Variants in RSBN1L observed in about 807,000 individuals in gnomAD.
RSBN1L encodes the protein round spermatid basic protein 1 like.
Under a neutral mutation model 67.7 loss-of-function variants are expected in RSBN1L, and 30 were observed. That is an observed-to-expected ratio of 0.44 (90% confidence interval 0.33 to 0.60). The LOEUF (loss-of-function observed/expected upper bound fraction) is 0.60, where lower values mean the gene tolerates loss of function less well. Ranked by LOEUF, RSBN1L falls within the 20% of genes least tolerant of loss-of-function variation. RSBN1L has a pLI of 0.02. For synonymous variants in RSBN1L, 433 were observed against 387.0 expected, an observed-to-expected ratio of 1.12 and a Z score of -1.39; for missense variants, 992 against 1,031.7, an observed-to-expected ratio of 0.96 and a Z score of 0.53.
At chr7:77,745,078 A>G (rs528734202) in intron 2 of RSBN1L, among the ~76,000 whole-genome samples, 1 of 152,228 alleles carries the variant, frequency 6.6e-6, no homozygotes, top group Admixed American at 6.5e-5. Flanking sequence ...CCTGAACAAC[A>G]TGGTGAAACC....
At chr7:77,743,287 A>G (rs924268685) in intron 2 of RSBN1L, among the ~76,000 whole-genome samples, 4 of 151,674 alleles carry the variant, frequency 2.6e-5, no homozygotes, top group African/African-American at 9.7e-5. Flanking sequence ...TGAGAATTTA[A>G]CTCCTTGATG....
At chr7:77,702,740 C>T (rs748574719) in intron 1 of RSBN1L, among the ~76,000 whole-genome samples, 6 of 152,094 alleles carry the variant, frequency 3.9e-5, no homozygotes, top group Admixed American at 6.6e-5. Context: ...TGGCTGGAAG[C>T]GTGAGGTCAG....
intron 1 of RSBN1L, chr7:77,697,454 A>G: frequency 6.0e-6 from 1 of 167,592 alleles, no homozygotes; most frequent in Non-Finnish European, 1.3e-5. Context: ...TGGTCGCGGG[A>G]ATTCGTATTT....
Position 77,708,586 on chromosome 7 carries a change from G to A in RSBN1L, c.586+11531G>A, listed in dbSNP as rs140062391. ...TTTAGTAGAGACGGGGTTTCACGGT[G>A]TTAGCCAGGATGGTCTCGATCTCCT... On this transcript the variant is annotated intron_variant, in intron 1 of 7. Transcript: ENST00000334955. Among the ~76,000 whole-genome samples, 643 of 152,122 alleles carry A rather than the reference G, an allele frequency of 4.2e-3. 2 individuals are homozygous for A. Among genetic ancestry groups the A allele is most frequent in the Non-Finnish European group, 7.7e-3 (523 of 68,006 alleles).
chr7:77,697,868 A>G (rs1379095005), intron 1 of RSBN1L, among the ~76,000 whole-genome samples: 2 of 152,228 alleles, frequency 1.3e-5, no homozygotes, highest in African/African-American at 4.8e-5. Flanking sequence ...GGCTAGTCGT[A>G]TAATTTTTCA....
chr7:77,726,931 G>A (rs1461134846), intron 1 of RSBN1L, among the ~76,000 whole-genome samples: 1 of 151,536 alleles, frequency 6.6e-6, no homozygotes, highest in Non-Finnish European at 1.5e-5. Context: ...ACAGGTGTGA[G>A]TCACTGTGCC....
At chr7:77,756,953 G>A (rs1038203175) in intron 3 of RSBN1L, among the ~76,000 whole-genome samples, 1 of 152,188 alleles carries the variant, frequency 6.6e-6, no homozygotes, top group Non-Finnish European at 1.5e-5. Flanking sequence ...TCCCTAGGTT[G>A]TGCAACCTGA....
At chr7:77,710,336 T>C (rs966009927) in intron 1 of RSBN1L, among the ~76,000 whole-genome samples, 2 of 152,208 alleles carry the variant, frequency 1.3e-5, no homozygotes, top group Non-Finnish European at 2.9e-5. Flanking sequence ...TTCAGATTCC[T>C]TGAAATGTCT....
intron 1 of RSBN1L, among the ~76,000 whole-genome samples, chr7:77,702,576 C>T (rs1485579110): frequency 6.6e-6 from 1 of 152,026 alleles, no homozygotes; most frequent in Non-Finnish European, 1.5e-5. Context: ...GGCAAGAAGG[C>T]TTTCAGTTTC....
intron 2 of RSBN1L, among the ~76,000 whole-genome samples, chr7:77,742,426 A>C (rs1339021129): frequency 3.9e-5 from 6 of 152,258 alleles, no homozygotes; most frequent in Non-Finnish European, 8.8e-5. Flanking sequence ...TCTGCCAGAG[A>C]AGCTCATTAA....
At chr7:77,737,951 G>A (rs1014010419) in intron 2 of RSBN1L, among the ~76,000 whole-genome samples, 1 of 151,376 alleles carries the variant, frequency 6.6e-6, no homozygotes, top group Non-Finnish European at 1.5e-5. Context: ...GAACCCGGGA[G>A]ACAAGAGGTT....
intron 1 of RSBN1L, among the ~76,000 whole-genome samples, chr7:77,705,764 G>C (rs764619207): frequency 6.6e-6 from 1 of 151,948 alleles, no homozygotes; most frequent in African/African-American, 2.4e-5. Flanking sequence ...TGCCTGCCTC[G>C]GTCTCACGAT....
rs1791468447 is a variant in RSBN1L at position 77,745,341 on chromosome 7, A to AT, written c.704-4077dup. On this transcript the variant is annotated intron_variant, in intron 2 of 7. Transcript: ENST00000334955. ...CTCAGGTAGTCTGTTAGTGAGACAG[A>AT]TTTTTTCATTCATACTTTCATTAAA... Among the ~76,000 whole-genome samples, 4 of 152,172 alleles carry AT rather than the reference A, an allele frequency of 2.6e-5. No homozygotes were observed. The South Asian group carries it at 8.3e-4, about 32-fold the overall frequency.
chr7:77,778,875 C>G lies in RSBN1L; in HGVS notation c.2248C>G (p.Gln750Glu). The G allele has an allele frequency of 6.2e-7, 1 of 1,613,868 alleles. No homozygotes were observed. The highest frequency in any genetic ancestry group is 8.5e-7 in the Non-Finnish European group (1 of 1,179,786). The change falls in exon 8 of 8, where the codon CAG becomes GAG. Residue 750 changes from glutamine to glutamate, a missense_variant. Coordinates refer to ENST00000334955, the MANE Select transcript of RSBN1L (RefSeq NM_198467.3). ...SDKLHSKYEL[Q>E]QIKHEPIASV... ...TAAACTTCATTCTAAATATGAATTACAGCAGATTAAACATGAACCTATTGC... is the reference window on the plus strand; with the variant it reads ...TAAACTTCATTCTAAATATGAATTAGAGCAGATTAAACATGAACCTATTGC...
Position 77,773,685 on chromosome 7 carries a change from C to T in RSBN1L, c.1793+371C>T, listed in dbSNP as rs187684808. Among the ~76,000 whole-genome samples the T allele has an allele frequency of 2.6e-5, 4 of 152,294 alleles. No individual in the cohort carries two copies. In the East Asian group the frequency reaches 7.7e-4, roughly 29 times the overall value. On this transcript the variant is annotated intron_variant, in intron 6 of 7. Transcript: ENST00000334955. ...GCCTGAGGCAGGAGAATTGCTTGAA[C>T]CCGGGAGGCTGAGGGTGCAGTGAGC...
chr7:77,768,557 C>A, intron 4 of RSBN1L, 104 bp from the exon 5 acceptor site: 1 of 936,974 alleles, frequency 1.1e-6, no homozygotes, highest in Non-Finnish European at 1.6e-6. Flanking sequence ...AAGTATAAAG[C>A]TGTGTATGAA....
At chr7:77,748,249 T>C (rs1389562235) in intron 2 of RSBN1L, among the ~76,000 whole-genome samples, 2 of 152,114 alleles carry the variant, frequency 1.3e-5, no homozygotes, top group Non-Finnish European at 2.9e-5. Context: ...TATGCAGCTG[T>C]TAGACCAAAA....
intron 1 of RSBN1L, among the ~76,000 whole-genome samples, chr7:77,706,813 G>C (rs1468544879): frequency 6.6e-6 from 1 of 152,118 alleles, no homozygotes; most frequent in Non-Finnish European, 1.5e-5. Context: ...TGTAGATAAA[G>C]ATTGATTGTA....
intron 3 of RSBN1L, among the ~76,000 whole-genome samples, chr7:77,752,388 C>T (rs1791566672): frequency 7.0e-6 from 1 of 142,110 alleles, no homozygotes; most frequent in East Asian, 2.0e-4. Flanking sequence ...GGCCCGTATT[C>T]CTTTTATCAC....
Sources: allele counts gnomAD v4.1 joint callset (sites outside exome capture counted in the v4.1 genomes callset), GRCh38; gene constraint gnomAD v4.1.1; transcripts MANE v1.5; gene names NCBI Gene and HGNC (gene_info 2026-07-23, HGNC 2026-07-21).